WLS: variants seen among roughly 807,000 people sequenced by gnomAD.
WLS encodes protein wntless homolog.
Under a neutral mutation model 62.8 loss-of-function variants are expected in WLS, and 23 were observed. The observed-to-expected ratio is 0.37, with a 90% CI of 0.26 to 0.52. WLS has a LOEUF of 0.52. Among genes scored for constraint, WLS ranks in the 20% least tolerant of loss-of-function variants. WLS has a pLI of 0.92. For synonymous variants in WLS, 246 were observed against 244.1 expected (o/e 1.01, Z -0.07); for missense variants, 615 against 697.3 (o/e 0.88, Z 1.33).
intron 10 of WLS, chr1:68,142,984 C>G (rs965106900): frequency 6.6e-6 from 1 of 152,088 alleles, no homozygotes; most frequent in African/African-American, 2.4e-5. Context: ...CAATAGAAAT[C>G]ATGATATTTT....
At chr1:68,181,481 T>C (rs1383135330) in intron 2 of WLS, among the ~76,000 whole-genome samples, 2 of 152,236 alleles carry the variant, frequency 1.3e-5, no homozygotes, top group East Asian at 3.9e-4. Context: ...CCACCTAGTC[T>C]AGATTCTAGA....
At position 68,216,170 on chromosome 1, in the gene WLS, T is replaced by C. The variant is rs117342684; in HGVS notation, c.106+16024A>G. Among the ~76,000 whole-genome samples the C allele has an allele frequency of 2.4e-3, 365 of 152,346 alleles. 5 individuals carry two copies. The East Asian group carries it at 0.024, about 10-fold the overall frequency. On this transcript the variant is annotated intron_variant, in intron 1 of 11. Transcript: ENST00000262348. ...AGTAGTTCATATTTTTTAAAACTAC[T>C]CTTTTTTCTTGTTCTTCAACTTGTC... is the stretch of plus-strand genomic sequence containing the variant.
At chr1:68,143,041 ATC>A (rs936538793) in intron 10 of WLS, among the ~76,000 whole-genome samples, 175 of 152,318 alleles carry the variant, frequency 1.1e-3, no homozygotes, top group African/African-American at 3.8e-3. Context: ...TACCTGTAGC[ATC>A]TGTTTCACTG....
At chr1:68,130,405 T>C (rs1570849302) in intron 11 of WLS, among the ~76,000 whole-genome samples, 1 of 152,278 alleles carries the variant, frequency 6.6e-6, no homozygotes. Context: ...GTTCTCAAGG[T>C]CATACACAAT....
chr1:68,180,458 A>C (rs948674075), intron 2 of WLS, among the ~76,000 whole-genome samples: 1 of 151,958 alleles, frequency 6.6e-6, no homozygotes, highest in African/African-American at 2.4e-5. Flanking sequence ...CAGGGCTTGC[A>C]TAATGTCTTT....
At chr1:68,122,754 A>G (rs554560450), downstream of WLS, among the ~76,000 whole-genome samples, 3 of 152,124 alleles carry the variant, frequency 2.0e-5, no homozygotes, top group East Asian at 5.8e-4. Flanking sequence ...TTCTCTTTCC[A>G]CTGATTGAAA....
rs776090284 is a variant in WLS, at chr1:68,146,058, T to A, written c.1135-46A>T. The A allele has an allele frequency of 3.7e-6, 6 of 1,604,536 alleles. No homozygotes were observed. In the East Asian group the frequency reaches 1.1e-4, roughly 30 times the overall value. On this transcript the variant is annotated intron_variant, in intron 8 of 11. Transcript: ENST00000262348. Reference sequence around the variant, plus strand: ...AAACAACGGGCTAGCCAAGGCCAAGTTGAGCCGGGTCCAGGCCCTTCTCCC... The same window carrying A: ...AAACAACGGGCTAGCCAAGGCCAAGATGAGCCGGGTCCAGGCCCTTCTCCC...
rs1479482290 is a variant in WLS at position 68,193,998 on chromosome 1, A to G, written c.336T>C (p.Phe112=). Residue 112 remains phenylalanine (F), a synonymous_variant, in exon 2 of 12, where the codon TTT becomes TTC. Coordinates refer to ENST00000262348, the MANE Select transcript of WLS (RefSeq NM_024911.7). ...TGAAGGCAATGTCCAGCTGCAGGAT[A>G]AACAGCATGAATTGGAACCAAGGAC... ...EMSPWFQFML[F]ILQLDIAFKL... is the part of the protein sequence containing the mutation. 6.2e-7 allele frequency: 1 copy of G among 1,614,098 alleles called. No individual in the cohort carries two copies. Among genetic ancestry groups the G allele is most frequent in the East Asian group, 2.2e-5 (1 of 44,890 alleles).
At chr1:68,227,682 C>T (rs1650220288) in intron 1 of WLS, among the ~76,000 whole-genome samples, 1 of 151,898 alleles carries the variant, frequency 6.6e-6, no homozygotes, top group East Asian at 1.9e-4. Flanking sequence ...TGACATTTTA[C>T]AAAATAAAAA....
chr1:68,123,643 T>C (rs1210944224), downstream of WLS, among the ~76,000 whole-genome samples: 1 of 152,272 alleles, frequency 6.6e-6, no homozygotes, highest in East Asian at 1.9e-4. Context: ...CAATTCAAAA[T>C]GGATTCTCCA....
chr1:68,145,855 A>G lies in WLS; in HGVS notation c.1278+14T>C. The G allele has an allele frequency of 6.2e-7, 1 of 1,614,040 alleles. No individual in the cohort carries two copies. Among genetic ancestry groups the G allele is most frequent in the Non-Finnish European group, 8.5e-7 (1 of 1,179,982 alleles). On this transcript the variant is annotated intron_variant, in intron 9 of 11. Transcript: ENST00000262348. ...CAAGCACCAGTTCCAGAACGAGCCA[A>G]GAAATCTGCCCACCTCATAGTGTAG...
intron 10 of WLS, 55 bp from the exon 11 acceptor site, chr1:68,137,988 A>G (rs1011531549): frequency 8.7e-6 from 14 of 1,601,236 alleles, no homozygotes; most frequent in South Asian, 1.1e-5. Flanking sequence ...CAGAAGAAAC[A>G]TAACACCAAT....
chr1:68,191,591 C>T (rs1252759860), intron 2 of WLS, among the ~76,000 whole-genome samples: 2 of 152,128 alleles, frequency 1.3e-5, no homozygotes, highest in Non-Finnish European at 2.9e-5. Context: ...AATCATGTCT[C>T]GTGTGATCTT....
intron 11 of WLS, among the ~76,000 whole-genome samples, chr1:68,114,190 G>C (rs1054581538): frequency 6.6e-6 from 1 of 152,190 alleles, no homozygotes; most frequent in South Asian, 2.1e-4. Context: ...GCCAGGCTGA[G>C]GCTCTGGGCC....
intron 11 of WLS, among the ~76,000 whole-genome samples, chr1:68,133,741 A>G (rs531552197): frequency 1.6e-4 from 25 of 152,364 alleles, no homozygotes; most frequent in Non-Finnish European, 2.8e-4. Flanking sequence ...GAAAAAGTCT[A>G]TCGTGAAATG....
intron 10 of WLS, among the ~76,000 whole-genome samples, chr1:68,138,904 G>T (rs1207234915): frequency 6.6e-6 from 1 of 152,156 alleles, no homozygotes; most frequent in Non-Finnish European, 1.5e-5. Flanking sequence ...TTGTAAGATG[G>T]CAGGCTAGAT....
chr1:68,162,060 G>A (rs1443732087), intron 2 of WLS: 3 of 1,587,832 alleles, frequency 1.9e-6, no homozygotes, highest in Non-Finnish European at 2.6e-6. Flanking sequence ...GACCTGTGAT[G>A]GCTCGGCGGA....
At chr1:68,222,930 G>A (rs1479036937) in intron 1 of WLS, among the ~76,000 whole-genome samples, 1 of 125,400 alleles carries the variant, frequency 8.0e-6, no homozygotes, top group Non-Finnish European at 1.7e-5. Context: ...GGGGTGGGGG[G>A]CAGGGGTGAG....
intron 4 of WLS, 138 bp downstream of exon 4, chr1:68,154,961 G>T: frequency 1.0e-6 from 1 of 953,872 alleles, no homozygotes; most frequent in Non-Finnish European, 1.5e-6. Flanking sequence ...ACACAAATTA[G>T]TTCACTTTAT....
Sources: allele counts gnomAD v4.1 joint callset (sites outside exome capture counted in the v4.1 genomes callset), GRCh38; gene constraint gnomAD v4.1.1; transcripts MANE v1.5; gene names NCBI Gene and HGNC (gene_info 2026-07-23, HGNC 2026-07-21).